CSGALNACT1: variants seen among roughly 807,000 people sequenced by gnomAD.
The protein encoded by CSGALNACT1 is chondroitin sulfate N-acetylgalactosaminyltransferase 1.
A neutral mutation model predicts 51.0 loss-of-function variants in CSGALNACT1; 52 were observed. The observed-to-expected ratio is 1.02, with a 90% CI of 0.82 to 1.29. The LOEUF is 1.29. CSGALNACT1 is among the 50% of genes most tolerant of loss of function. The probability of loss-of-function intolerance (pLI) is 0.00; values close to 1 mark genes in which losing one functional copy is unlikely to be tolerated. For missense variants in CSGALNACT1, 935 were observed against 679.2 expected (o/e 1.38, Z -4.19); for synonymous variants, 341 against 254.4 (o/e 1.34, Z -3.24).
At chr8:19,660,323 C>A (rs986719852) in intron 1 of CSGALNACT1, among the ~76,000 whole-genome samples, 9 of 152,184 alleles carry the variant, frequency 5.9e-5, no homozygotes, top group Admixed American at 1.3e-4. Flanking sequence ...AGTCCAAGAT[C>A]TTAACTGCAC....
exon 8 of CSGALNACT1, chr8:19,418,742 C>T: frequency 6.2e-7 from 1 of 1,607,220 alleles, no homozygotes; most frequent in South Asian, 1.1e-5. Context: ...GGATAAAATA[C>T]CTTCTTCCCT....
At chr8:19,601,930 T>G (rs59296505) in intron 1 of CSGALNACT1, 65 bp from the exon 2 acceptor site, 51,222 of 449,038 alleles carry the variant, frequency 0.11, 3,288 homozygotes, top group Middle Eastern at 0.17. Context: ...TATGTGGTAT[T>G]ACAAAATGGG....
At chr8:19,679,418 C>G (rs1173604102) in intron 1 of CSGALNACT1, among the ~76,000 whole-genome samples, 2 of 152,018 alleles carry the variant, frequency 1.3e-5, no homozygotes, top group Admixed American at 1.3e-4. Context: ...GATCATGCCA[C>G]TGTACTCCAG....
At chr8:19,673,474 C>G (rs1376836863) in intron 1 of CSGALNACT1, among the ~76,000 whole-genome samples, 1 of 152,326 alleles carries the variant, frequency 6.6e-6, no homozygotes, top group East Asian at 1.9e-4. Context: ...AGTTGCTAGG[C>G]ACTATGTGGT....
chr8:19,627,371 G>A (rs1376869791), intron 1 of CSGALNACT1, among the ~76,000 whole-genome samples: 4 of 152,056 alleles, frequency 2.6e-5, no homozygotes, highest in Non-Finnish European at 4.4e-5. Flanking sequence ...GAAGGGGAGC[G>A]AGTTAGGGAT....
Position 19,434,941 on chromosome 8 carries a change from G to C in CSGALNACT1, c.953+4889C>G, listed in dbSNP as rs143075740. Reference sequence around the variant, plus strand: ...TCCCCCAGAAAATAATCTTCCTGGGGGTATCTGTCAAATCATTTGAAAGAG... The same window carrying C: ...TCCCCCAGAAAATAATCTTCCTGGGCGTATCTGTCAAATCATTTGAAAGAG... On this transcript the variant is annotated intron_variant, in intron 6 of 9. Coordinates refer to ENST00000454498, the Ensembl canonical transcript of CSGALNACT1. 7.6e-4 allele frequency among the ~76,000 whole-genome samples: 115 copies of C among 152,212 alleles called. 1 individual carries two copies. The highest frequency in any genetic ancestry group is 2.7e-3 in the African/African-American group (111 of 41,544).
intron 4 of CSGALNACT1, among the ~76,000 whole-genome samples, chr8:19,485,284 T>C (rs556177418): frequency 3.1e-4 from 47 of 152,194 alleles, no homozygotes; most frequent in Non-Finnish European, 4.1e-4. Flanking sequence ...CATCCCCGAC[T>C]CTTCTCTTTC....
Position 19,642,691 on chromosome 8 carries a change from TGA to T in CSGALNACT1, c.-544+39780_-544+39781del, listed in dbSNP as rs1483921936. 2.0e-5 allele frequency among the ~76,000 whole-genome samples: 3 copies of T among 150,824 alleles called. No homozygotes were observed. The East Asian group carries it at 5.8e-4, about 29-fold the overall frequency. On this transcript the variant is annotated intron_variant, in intron 1 of 9. Transcript: ENST00000332246. Reference sequence around the variant, plus strand: ...GTCCCAGCTACTCGGGAGGCTGAGGTGAGAGGATCGTTTGGGCCCAGGAGATT... The same window carrying T: ...GTCCCAGCTACTCGGGAGGCTGAGGTGAGGATCGTTTGGGCCCAGGAGATT...
At chr8:19,742,831 A>G (rs1213555232) in intron 1 of CSGALNACT1, among the ~76,000 whole-genome samples, 2 of 152,248 alleles carry the variant, frequency 1.3e-5, no homozygotes, top group Non-Finnish European at 2.9e-5. Context: ...AGGGGCCTCC[A>G]CTGTACTGTA....
intron 3 of CSGALNACT1, among the ~76,000 whole-genome samples, chr8:19,579,351 G>C (rs2045041878): frequency 6.6e-6 from 1 of 152,184 alleles, no homozygotes; most frequent in Admixed American, 6.5e-5. Context: ...AGGGTCTGCA[G>C]CACATGTGCT....
intron 1 of CSGALNACT1, among the ~76,000 whole-genome samples, chr8:19,660,667 TACTC>T (rs2058675353): frequency 6.6e-6 from 1 of 152,098 alleles, no homozygotes; most frequent in Non-Finnish European, 1.5e-5. Context: ...ACTCCCCTCT[TACTC>T]ACAAAAGCTC....
At chr8:19,756,187 T>C (rs1286194705) in intron 1 of CSGALNACT1, among the ~76,000 whole-genome samples, 1 of 152,084 alleles carries the variant, frequency 6.6e-6, no homozygotes, top group Non-Finnish European at 1.5e-5. Context: ...AGGAACAATG[T>C]CGACGAAATC....
rs371934370 is a variant in CSGALNACT1 at position 19,676,090 on chromosome 8, ACAAAAC to A, written c.-544+6377_-544+6382del. Among the ~76,000 whole-genome samples, 93 of 146,810 alleles carry A rather than the reference ACAAAAC, an allele frequency of 6.3e-4. 6 individuals carry two copies. The highest frequency in any genetic ancestry group is 1.2e-3 in the African/African-American group (47 of 39,648). ...GGATGGTGGTTGTCTGATTTAAAAA[ACAAAAC>A]AAAACAAAAAAAACTCCCAGATTAC... On this transcript the variant is annotated intron_variant, in intron 1 of 9. Coordinates refer to the CSGALNACT1 transcript ENST00000332246.
chr8:19,628,215 T>C (rs1253138052), intron 1 of CSGALNACT1, among the ~76,000 whole-genome samples: 1 of 152,032 alleles, frequency 6.6e-6, no homozygotes, highest in Non-Finnish European at 1.5e-5. Context: ...AGGAAAGAGG[T>C]TAATAGACTC....
intron 4 of CSGALNACT1, among the ~76,000 whole-genome samples, chr8:19,489,229 T>G (rs945063332): frequency 6.6e-6 from 1 of 152,102 alleles, no homozygotes; most frequent in Non-Finnish European, 1.5e-5. Context: ...TACAAATAAA[T>G]TGCCCTTCTA....
chr8:19,474,664 T>C lies in CSGALNACT1; in HGVS notation c.635-16022A>G, dbSNP rs1304312319. On this transcript the variant is annotated intron_variant, in intron 4 of 9. Coordinates refer to ENST00000454498, the Ensembl canonical transcript of CSGALNACT1. ...TGGGTGGATCAATTGAGGTCGGGAG[T>C]TCGAGACCAGCCTAACCAACATGGC... Among the ~76,000 whole-genome samples the C allele has an allele frequency of 2.7e-5, 4 of 150,502 alleles. No individual in the cohort carries two copies. In the East Asian group the frequency reaches 7.8e-4, roughly 30 times the overall value.
At chr8:19,606,626 AC>A (rs1288693244), upstream of CSGALNACT1, among the ~76,000 whole-genome samples, 14 of 152,220 alleles carry the variant, frequency 9.2e-5, no homozygotes, top group African/African-American at 3.4e-4. Context: ...TGGTCTTAAG[AC>A]TACAGGATGC....
intron 5 of CSGALNACT1, among the ~76,000 whole-genome samples, chr8:19,456,479 G>T (rs1054335526): frequency 1.3e-5 from 2 of 152,212 alleles, no homozygotes; most frequent in Non-Finnish European, 2.9e-5. Context: ...AATGCCTAAT[G>T]CAAACCACAT....
intron 3 of CSGALNACT1, among the ~76,000 whole-genome samples, chr8:19,526,128 C>A (rs972400444): frequency 2.0e-5 from 3 of 152,194 alleles, no homozygotes; most frequent in Admixed American, 2.0e-4. Flanking sequence ...TCCTACCTCC[C>A]GCTACGCTTT....
Sources: gnomAD v4.1 joint callset for allele counts (sites outside exome capture counted in the v4.1 genomes callset) on GRCh38, gnomAD v4.1.1 for gene constraint, MANE v1.5 for transcripts, NCBI Gene and HGNC (gene_info 2026-07-23, HGNC 2026-07-21) for gene names.